Variants in RANBP17 observed in about 807,000 individuals in gnomAD.
The protein encoded by RANBP17 is ran-binding protein 17.
A neutral mutation model predicts 141.2 loss-of-function variants in RANBP17; 158 were observed. The ratio of observed to expected loss-of-function variants is 1.12; its 90% CI spans 0.98 to 1.28. The LOEUF (loss-of-function observed/expected upper bound fraction) is 1.28, where lower values mean the gene tolerates loss of function less well. Ranked by LOEUF, RANBP17 falls within the 50% of genes most tolerant of loss-of-function variation. The pLI, the probability that RANBP17 is intolerant of heterozygous loss-of-function variation, is 0.00. For synonymous variants in RANBP17, 430 were observed against 450.0 expected (o/e 0.96, Z 0.56); for missense variants, 1,438 against 1,290.7 (o/e 1.11, Z -1.75).
At chr5:170,985,141 A>C (rs1036863180) in intron 14 of RANBP17, among the ~76,000 whole-genome samples, 15 of 151,860 alleles carry the variant, frequency 9.9e-5, no homozygotes, top group African/African-American at 3.1e-4. Context: ...ACACAGACAC[A>C]CACAAATGCA....
chr5:171,132,721 CAA>C (rs1281523858), intron 14 of RANBP17, among the ~76,000 whole-genome samples: 11 of 149,984 alleles, frequency 7.3e-5, no homozygotes, highest in Middle Eastern at 3.4e-3. Flanking sequence ...GACCCTATCT[CAA>C]GAAAAAAAAA....
chr5:171,142,207 TA>T (rs1757750022), intron 14 of RANBP17, among the ~76,000 whole-genome samples: 1 of 152,198 alleles, frequency 6.6e-6, no homozygotes, highest in South Asian at 2.1e-4. Flanking sequence ...TCTATATTTT[TA>T]GTAGAATGTT....
At chr5:171,024,815 C>T (rs1213895664) in intron 14 of RANBP17, among the ~76,000 whole-genome samples, 1 of 151,630 alleles carries the variant, frequency 6.6e-6, no homozygotes, top group East Asian at 1.9e-4. Context: ...TCTTAAATAG[C>T]ATCATGCACT....
rs1561823490 is a variant in RANBP17 at position 171,277,649 on chromosome 5, A to ATATATATATATATT, written c.2943+11815_2943+11816insTTATATATATATAT. ...TACATATATGTATGTATATATATAT[A>ATATATATATATATT]TATATATATATATATATATTTATGT... On this transcript the variant is annotated intron_variant, in intron 25 of 27. Coordinates refer to ENST00000523189, the MANE Select transcript of RANBP17 (RefSeq NM_022897.5). 1.6e-3 allele frequency among the ~76,000 whole-genome samples: 206 copies of ATATATATATATATT among 125,076 alleles called. 13 individuals carry two copies. Among genetic ancestry groups the ATATATATATATATT allele is most frequent in the African/African-American group, 5.4e-3 (180 of 33,074 alleles). The allele number at this position is 125,076 out of a possible 152,430, so 82.1% of individuals were successfully genotyped here. A position where few individuals can be genotyped will look rare whatever the true frequency, so the allele number is the denominator to read the frequency against.
intron 14 of RANBP17, among the ~76,000 whole-genome samples, chr5:171,011,622 G>A (rs1780041954): frequency 6.6e-6 from 1 of 151,732 alleles, no homozygotes; most frequent in African/African-American, 2.4e-5. Context: ...GCATACATAT[G>A]ATATATAACC....
intron 14 of RANBP17, among the ~76,000 whole-genome samples, chr5:171,117,197 A>G (rs968279145): frequency 1.3e-5 from 2 of 152,182 alleles, no homozygotes; most frequent in African/African-American, 4.8e-5. Flanking sequence ...TACCAGTAAT[A>G]GGACTGTCAA....
At chr5:170,983,570 A>T (rs1241003072) in intron 14 of RANBP17, among the ~76,000 whole-genome samples, 6 of 152,214 alleles carry the variant, frequency 3.9e-5, no homozygotes, top group African/African-American at 1.4e-4. Context: ...ATTTAGAAGA[A>T]TGAATGAAAA....
intron 16 of RANBP17, among the ~76,000 whole-genome samples, chr5:171,179,737 T>C (rs1760759285): frequency 6.6e-6 from 1 of 152,176 alleles, no homozygotes; most frequent in Non-Finnish European, 1.5e-5. Context: ...GTACTTTTTC[T>C]TAGTAGTACA....
intron 21 of RANBP17, among the ~76,000 whole-genome samples, chr5:171,217,753 C>T (rs1275958795): frequency 6.6e-6 from 1 of 151,856 alleles, no homozygotes; most frequent in African/African-American, 2.4e-5. Flanking sequence ...GGTGATATCC[C>T]CTTTATCATT....
At chr5:171,037,146 C>T (rs991769067) in intron 14 of RANBP17, among the ~76,000 whole-genome samples, 1 of 151,936 alleles carries the variant, frequency 6.6e-6, no homozygotes, top group African/African-American at 2.4e-5. Context: ...GCCATCCTGA[C>T]TGGTATGCAA....
At chr5:171,129,543 T>C (rs1052073417) in intron 14 of RANBP17, among the ~76,000 whole-genome samples, 3 of 152,182 alleles carry the variant, frequency 2.0e-5, no homozygotes, top group Admixed American at 6.5e-5. Flanking sequence ...AGGCATTCTG[T>C]GCCTAGCTGT....
At position 170,932,138 on chromosome 5, in the gene RANBP17, G is replaced by T. The variant is rs187801310; in HGVS notation, c.1468+7588G>T. On this transcript the variant is annotated intron_variant, in intron 12 of 27. Transcript: ENST00000523189. ...GGTCCTTCACTTCCCTTGTAAGTTG[G>T]ATTCCTAGGTATTTTATTCTCTTTG... 4.7e-3 allele frequency among the ~76,000 whole-genome samples: 719 copies of T among 152,196 alleles called. 4 individuals are homozygous for T. Among genetic ancestry groups the T allele is most frequent in the African/African-American group, 0.017 (697 of 41,532 alleles).
At chr5:171,294,126 T>C (rs1281511510) in intron 26 of RANBP17, 145 bp downstream of exon 26, 4 of 653,416 alleles carry the variant, frequency 6.1e-6, no homozygotes, top group African/African-American at 3.5e-5. Flanking sequence ...TGAGGCTGTA[T>C]TCCCCTACAA....
chr5:171,194,012 TA>T (rs1272878089), intron 18 of RANBP17, among the ~76,000 whole-genome samples: 1 of 152,202 alleles, frequency 6.6e-6, no homozygotes, highest in African/African-American at 2.4e-5. Flanking sequence ...AAATCCTCAG[TA>T]ACTGTTGGCT....
intron 1 of RANBP17, among the ~76,000 whole-genome samples, chr5:170,868,192 G>A (rs1326576575): frequency 6.6e-6 from 1 of 152,132 alleles, no homozygotes; most frequent in Non-Finnish European, 1.5e-5. Flanking sequence ...TTTAGACTAT[G>A]GTCAAGTTTA....
At chr5:171,268,727 C>G (rs952040801) in intron 25 of RANBP17, among the ~76,000 whole-genome samples, 2 of 152,096 alleles carry the variant, frequency 1.3e-5, no homozygotes, top group African/African-American at 4.8e-5. Flanking sequence ...TGGCAAGGGA[C>G]AAGTCTGCCA....
chr5:171,212,039 T>C (rs1182608159), intron 20 of RANBP17, among the ~76,000 whole-genome samples: 1 of 152,136 alleles, frequency 6.6e-6, no homozygotes, highest in Non-Finnish European at 1.5e-5. Context: ...AGGAGAGATA[T>C]ACAAGTACTA....
chr5:170,920,975 A>G (rs529495436), intron 11 of RANBP17, among the ~76,000 whole-genome samples: 11 of 152,216 alleles, frequency 7.2e-5, no homozygotes, highest in African/African-American at 2.6e-4. Flanking sequence ...AGTTCTTTGT[A>G]GATTCTGGGT....
chr5:171,147,253 C>T (rs1758088485), intron 14 of RANBP17, among the ~76,000 whole-genome samples: 1 of 149,474 alleles, frequency 6.7e-6, no homozygotes, highest in Non-Finnish European at 1.5e-5. Context: ...TTTTTATAAA[C>T]ATTTGCTATT....
Sources: allele counts gnomAD v4.1 joint callset (sites outside exome capture counted in the v4.1 genomes callset), GRCh38; gene constraint gnomAD v4.1.1; transcripts MANE v1.5; gene names NCBI Gene and HGNC (gene_info 2026-07-23, HGNC 2026-07-21).